The following CHN1 variants were observed in gnomAD, a reference collection of about 807,000 sequenced individuals.
The protein encoded by CHN1 is N-chimaerin.
Under a neutral mutation model 59.5 loss-of-function variants are expected in CHN1, and 37 were observed. The ratio of observed to expected loss-of-function variants is 0.62; its 90% CI spans 0.48 to 0.82. The LOEUF (loss-of-function observed/expected upper bound fraction) is 0.82, where lower values mean the gene tolerates loss of function less well. Ranked by LOEUF, CHN1 falls within the 40% of genes least tolerant of loss-of-function variation. The probability of loss-of-function intolerance (pLI) is 0.00; values close to 1 mark genes in which losing one functional copy is unlikely to be tolerated. For synonymous variants in CHN1, 206 were observed against 200.4 expected (o/e 1.03, Z -0.24); for missense variants, 469 against 571.0 (o/e 0.82, Z 1.82).
intron 5 of CHN1, among the ~76,000 whole-genome samples, chr2:174,902,450 C>T (rs1181231759): frequency 6.6e-6 from 1 of 152,128 alleles, no homozygotes; most frequent in East Asian, 1.9e-4. Flanking sequence ...CTATCCCCTT[C>T]ATCAATATTA....
In CHN1 at chr2:175,005,293, C is replaced by T. The variant is rs773429566; in HGVS notation, c.-381G>A. The T allele has an allele frequency of 8.3e-7, 1 of 1,199,708 alleles. No individual in the cohort carries two copies. Among genetic ancestry groups the T allele is most frequent in the Non-Finnish European group, 1.1e-6 (1 of 951,000 alleles). 74.3% of individuals were successfully genotyped at this position (1,199,708 alleles called of 1,614,324 possible). A position where few individuals can be genotyped will look rare whatever the true frequency, so the allele number is the denominator to read the frequency against. On this transcript the variant is annotated 5_prime_UTR_variant, in exon 1 of 13. Coordinates refer to ENST00000409900, the MANE Select transcript of CHN1 (RefSeq NM_001822.7). ...GCGGCGGCGGCGGCGACGGGGAGAG[C>T]AGCAGCAGCCTCGCACAGCCCCCGG...
chr2:174,857,675 T>G (rs577260786), intron 6 of CHN1, among the ~76,000 whole-genome samples: 137 of 152,274 alleles, frequency 9.0e-4, no homozygotes, highest in Admixed American at 1.9e-3. Context: ...AAGGTCCTCT[T>G]GATCTTCCCC....
At chr2:174,910,417 C>G (rs939480933) in intron 5 of CHN1, among the ~76,000 whole-genome samples, 3 of 151,472 alleles carry the variant, frequency 2.0e-5, no homozygotes, top group African/African-American at 7.3e-5. Flanking sequence ...TCCAAGAAAA[C>G]TCTTGGACAG....
At chr2:174,835,490 C>A (rs1473749466) in intron 7 of CHN1, among the ~76,000 whole-genome samples, 1 of 151,554 alleles carries the variant, frequency 6.6e-6, no homozygotes, top group Non-Finnish European at 1.5e-5. Flanking sequence ...TCCTGGTTTC[C>A]CATCACTGTT....
intron 3 of CHN1, among the ~76,000 whole-genome samples, chr2:174,928,586 G>A (rs553578389): frequency 1.3e-5 from 2 of 152,306 alleles, no homozygotes; most frequent in South Asian, 4.1e-4. Context: ...GGCAAAATGA[G>A]TTTTTCCACA....
At chr2:174,895,211 T>TAC (rs755478374) in intron 5 of CHN1, among the ~76,000 whole-genome samples, 92 of 142,106 alleles carry the variant, frequency 6.5e-4, no homozygotes, top group Non-Finnish European at 1.1e-3. Context: ...TATATATATA[T>TAC]ATACACACAC....
intron 8 of CHN1, among the ~76,000 whole-genome samples, chr2:174,820,249 C>T (rs1277242021): frequency 6.6e-6 from 1 of 152,198 alleles, no homozygotes; most frequent in East Asian, 1.9e-4. Context: ...ACCACACTGA[C>T]TTCTACAATG....
chr2:174,847,628 A>T (rs1218592638), intron 6 of CHN1: 5 of 1,321,788 alleles, frequency 3.8e-6, no homozygotes. Context: ...GGATTTCACA[A>T]GGAAGGCTGC....
chr2:174,983,913 A>G (rs1370367154), intron 1 of CHN1, among the ~76,000 whole-genome samples: 1 of 152,236 alleles, frequency 6.6e-6, no homozygotes, highest in African/African-American at 2.4e-5. Context: ...AACTGCATAC[A>G]TGTCTACATT....
intron 1 of CHN1, among the ~76,000 whole-genome samples, chr2:174,964,649 C>T (rs886170859): frequency 6.6e-6 from 1 of 152,152 alleles, no homozygotes; most frequent in African/African-American, 2.4e-5. Flanking sequence ...TTTGAATTCC[C>T]CCTCAGAATC....
intron 7 of CHN1, among the ~76,000 whole-genome samples, chr2:174,841,190 C>T (rs1417245059): frequency 6.6e-6 from 1 of 152,114 alleles, no homozygotes; most frequent in African/African-American, 2.4e-5. Flanking sequence ...CAGGTAGTAA[C>T]CTTTCTGATA....
intron 6 of CHN1, among the ~76,000 whole-genome samples, chr2:174,870,701 C>T (rs1687380042): frequency 6.6e-6 from 1 of 152,124 alleles, no homozygotes; most frequent in African/African-American, 2.4e-5. Context: ...CTATAAGCTA[C>T]CAGAGTTGAT....
intron 1 of CHN1, among the ~76,000 whole-genome samples, chr2:175,000,431 C>T (rs1032232973): frequency 6.6e-6 from 1 of 151,952 alleles, no homozygotes; most frequent in African/African-American, 2.4e-5. Flanking sequence ...ATCCACCACA[C>T]CTGGCCTGAT....
chr2:174,846,182 C>T (rs905189523), intron 7 of CHN1: 9 of 1,243,154 alleles, frequency 7.2e-6, no homozygotes, highest in Non-Finnish European at 9.6e-6. Context: ...AATTCAAGGC[C>T]TTATATCATG....
At chr2:174,801,905 A>C in intron 11 of CHN1, 93 bp from the exon 12 acceptor site, 1 of 953,096 alleles carries the variant, frequency 1.0e-6, no homozygotes, top group South Asian at 1.3e-5. Context: ...TAATGCTCTG[A>C]AACTGGTAAG....
chr2:174,967,467 TTGA>T (rs1172938536), intron 1 of CHN1, among the ~76,000 whole-genome samples: 3 of 152,344 alleles, frequency 2.0e-5, no homozygotes, highest in East Asian at 1.9e-4. Context: ...AATAATATGC[TTGA>T]TGAACATTTT....
intron 3 of CHN1, among the ~76,000 whole-genome samples, chr2:174,919,270 GT>G (rs1688936335): frequency 6.6e-6 from 1 of 152,182 alleles, no homozygotes; most frequent in Admixed American, 6.5e-5. Context: ...GTAAGAGTAA[GT>G]ACTATAATGA....
chr2:174,827,886 T>C (rs1228319176), intron 7 of CHN1, among the ~76,000 whole-genome samples: 1 of 151,720 alleles, frequency 6.6e-6, no homozygotes, highest in African/African-American at 2.4e-5. Flanking sequence ...GAGAAACTGG[T>C]TTAGAAGTGA....
At chr2:174,973,080 A>C (rs1690810308) in intron 1 of CHN1, among the ~76,000 whole-genome samples, 1 of 152,308 alleles carries the variant, frequency 6.6e-6, no homozygotes, top group South Asian at 2.1e-4. Flanking sequence ...TCAGTTGTTC[A>C]ACCACAAATT....
Sources: allele counts gnomAD v4.1 joint callset (sites outside exome capture counted in the v4.1 genomes callset), GRCh38; gene constraint gnomAD v4.1.1; transcripts MANE v1.5; gene names NCBI Gene and HGNC (gene_info 2026-07-23, HGNC 2026-07-21).